ERBB4: variants seen among roughly 807,000 people sequenced by gnomAD.
The protein encoded by ERBB4 is receptor tyrosine-protein kinase erbB-4.
In ERBB4, 42 loss-of-function variants were observed where a neutral mutation model predicts 158.0. That is an observed-to-expected ratio of 0.27 (90% CI 0.21 to 0.34). ERBB4 has a LOEUF of 0.34. Among genes scored for constraint, ERBB4 ranks in the 10% least tolerant of loss-of-function variants. The pLI is 1.00. For synonymous variants in ERBB4, 583 were observed against 558.7 expected, an observed-to-expected ratio of 1.04 and a Z score of -0.61; for missense variants, 1,333 against 1,624.1, an observed-to-expected ratio of 0.82 and a Z score of 3.08.
chr2:211,585,560 A>G (rs1177854292), intron 19 of ERBB4, among the ~76,000 whole-genome samples: 1 of 152,108 alleles, frequency 6.6e-6, no homozygotes, highest in African/African-American at 2.4e-5. Flanking sequence ...TTAATTATAC[A>G]TGTTTAAAAA....
At chr2:212,046,614 G>A (rs1245968644) in intron 2 of ERBB4, among the ~76,000 whole-genome samples, 3 of 152,100 alleles carry the variant, frequency 2.0e-5, no homozygotes, top group Non-Finnish European at 4.4e-5. Flanking sequence ...TGTACAGAAG[G>A]ATGTCTATTA....
chr2:211,474,415 AGGATTTC>A (rs1400374280), intron 20 of ERBB4, among the ~76,000 whole-genome samples: 44 of 152,220 alleles, frequency 2.9e-4, no homozygotes, highest in Middle Eastern at 6.8e-3. Context: ...TGGTATAGCC[AGGATTTC>A]GTGTAAGACA....
At chr2:211,886,830 C>T (rs2078813766) in intron 3 of ERBB4, among the ~76,000 whole-genome samples, 1 of 152,196 alleles carries the variant, frequency 6.6e-6, no homozygotes, top group African/African-American at 2.4e-5. Context: ...AGTACCTAAC[C>T]TTAAGCCTGC....
intron 2 of ERBB4, among the ~76,000 whole-genome samples, chr2:212,071,992 A>T (rs2078135113): frequency 6.6e-6 from 1 of 152,016 alleles, no homozygotes; most frequent in African/African-American, 2.4e-5. Flanking sequence ...AATTGTACAG[A>T]AGAAGAAACT....
chr2:212,203,446 T>C (rs1452359234), intron 1 of ERBB4, among the ~76,000 whole-genome samples: 1 of 152,120 alleles, frequency 6.6e-6, no homozygotes, highest in African/African-American at 2.4e-5. Flanking sequence ...CAAGACACAA[T>C]GAAGGCCCAG....
chr2:211,944,206 A>AT (rs2080609219), intron 3 of ERBB4, among the ~76,000 whole-genome samples: 2 of 104,058 alleles, frequency 1.9e-5, no homozygotes, highest in African/African-American at 4.2e-5. Flanking sequence ...TATACTATAT[A>AT]TATATATACA....
At chr2:212,515,718 T>G (rs1016777702) in intron 1 of ERBB4, among the ~76,000 whole-genome samples, 3 of 151,978 alleles carry the variant, frequency 2.0e-5, no homozygotes, top group African/African-American at 7.2e-5. Flanking sequence ...AAAAAAAATT[T>G]TGAAATCAAT....
intron 1 of ERBB4, among the ~76,000 whole-genome samples, chr2:212,231,518 GAAACCTCTGTTTTCATCAGGAAATGGC>G (rs1279039507): frequency 6.6e-6 from 1 of 152,190 alleles, no homozygotes; most frequent in Non-Finnish European, 1.5e-5. Context: ...TGCCTTCAAA[GAAACCTCTGTTTTCATCAGGAAATGGC>G]AATTACATGG....
rs184267575 is a variant in ERBB4, at chr2:211,913,714, A to C, written c.421+33716T>G. Among the ~76,000 whole-genome samples, 7 of 151,104 alleles carry C rather than the reference A, an allele frequency of 4.6e-5. No individual in the cohort carries two copies. The East Asian group carries it at 1.4e-3, about 29-fold the overall frequency. ...ATACATAGAGAGAGAGAGCAATAAA[A>C]TTTGGTATAGTGTCTATCACGTATG... On this transcript the variant is annotated intron_variant, in intron 3 of 27. Transcript: ENST00000342788.
intron 1 of ERBB4, among the ~76,000 whole-genome samples, chr2:212,523,330 T>C (rs1283373): frequency 1 from 151,583 of 152,034 alleles, 75,583 homozygotes; most frequent in Middle Eastern, 1. Flanking sequence ...CTAACTATGT[T>C]CCCACCTTCC....
intron 20 of ERBB4, among the ~76,000 whole-genome samples, chr2:211,520,301 T>C (rs1364476967): frequency 6.6e-6 from 1 of 152,124 alleles, no homozygotes; most frequent in East Asian, 1.9e-4. Context: ...TTGCTTTATG[T>C]CTAGGAAAAT....
rs539828441 is a variant in ERBB4 at position 212,159,358 on chromosome 2, T to C, written c.83-34455A>G. 2.0e-5 allele frequency among the ~76,000 whole-genome samples: 3 copies of C among 151,958 alleles called. No individual in the cohort carries two copies. In the South Asian group the frequency reaches 6.2e-4, roughly 32 times the overall value. On this transcript the variant is annotated intron_variant, in intron 1 of 27. Transcript: ENST00000342788. ...TTGTTATCTTTCAAGTATTTCCTTA[T>C]TATTGATGCCTACACTTTCTCAATG...
chr2:211,568,654 T>C (rs2067623729), intron 19 of ERBB4, among the ~76,000 whole-genome samples: 1 of 152,058 alleles, frequency 6.6e-6, no homozygotes, highest in African/African-American at 2.4e-5. Context: ...GAAAATCTCA[T>C]TGCATCAGAG....
At chr2:211,389,322 A>G (rs772295539) in intron 25 of ERBB4, among the ~76,000 whole-genome samples, 4 of 152,228 alleles carry the variant, frequency 2.6e-5, no homozygotes, top group Non-Finnish European at 5.9e-5. Flanking sequence ...GATACTTTAC[A>G]TCTTTTAAAT....
chr2:212,141,081 A>G (rs1216143562), intron 1 of ERBB4, among the ~76,000 whole-genome samples: 1 of 151,870 alleles, frequency 6.6e-6, no homozygotes, highest in Non-Finnish European at 1.5e-5. Context: ...GTCTATAACT[A>G]CTTGTTTTGA....
chr2:211,737,423 T>C (rs2074636897), intron 5 of ERBB4, among the ~76,000 whole-genome samples: 1 of 152,146 alleles, frequency 6.6e-6, no homozygotes, highest in East Asian at 1.9e-4. Flanking sequence ...CCTACCTTAT[T>C]TCCAGTGTAT....
At chr2:212,211,479 G>A (rs1300482081) in intron 1 of ERBB4, among the ~76,000 whole-genome samples, 2 of 152,042 alleles carry the variant, frequency 1.3e-5, no homozygotes, top group Non-Finnish European at 2.9e-5. Context: ...TTAGCTCTGA[G>A]TTAGACATGT....
At chr2:212,284,996 C>T (rs1033238569) in intron 1 of ERBB4, among the ~76,000 whole-genome samples, 18 of 152,062 alleles carry the variant, frequency 1.2e-4, no homozygotes, top group African/African-American at 4.3e-4. Flanking sequence ...CAGAGACAGA[C>T]AGGTTTCTCT....
At chr2:212,435,931 CT>C (rs2092126288) in intron 1 of ERBB4, among the ~76,000 whole-genome samples, 1 of 151,370 alleles carries the variant, frequency 6.6e-6, no homozygotes, top group Non-Finnish European at 1.5e-5. Context: ...AATAATAATC[CT>C]TTGGTGTGTC....
Sources: allele counts gnomAD v4.1 joint callset (sites outside exome capture counted in the v4.1 genomes callset), GRCh38; gene constraint gnomAD v4.1.1; transcripts MANE v1.5; gene names NCBI Gene and HGNC (gene_info 2026-07-23, HGNC 2026-07-21).